Variants in C16orf74 observed in about 807,000 individuals in gnomAD.
C16orf74 encodes the protein uncharacterized protein C16orf74.
C16orf74 carries 10 observed loss-of-function variants against 6.5 expected under a neutral mutation model. That is an observed-to-expected ratio of 1.54 (90% confidence interval 0.95 to 2.61). The LOEUF is 2.61. Among genes scored for constraint, C16orf74 ranks in the 30% most tolerant of loss-of-function variants. The pLI is 0.00. For synonymous variants in C16orf74, 60 were observed against 42.5 expected (o/e 1.41, Z -1.60); for missense variants, 141 against 105.9 (o/e 1.33, Z -1.45).
At chr16:85,750,260 A>G (rs571725461) in intron 1 of C16orf74, among the ~76,000 whole-genome samples, 48 of 152,318 alleles carry the variant, frequency 3.2e-4, no homozygotes, top group African/African-American at 1.1e-3. Context: ...TGGGCCCCGC[A>G]GCCGGAGGCG....
chr16:85,739,780 C>G (rs1411524285), intron 1 of C16orf74, among the ~76,000 whole-genome samples: 3 of 152,048 alleles, frequency 2.0e-5, no homozygotes, highest in Admixed American at 2.0e-4. Context: ...ACCTGGGAGA[C>G]AGAGCAAGAC....
chr16:85,729,271 G>C (rs370128182), intron 2 of C16orf74, among the ~76,000 whole-genome samples: 211 of 152,356 alleles, frequency 1.4e-3, no homozygotes, highest in African/African-American at 4.7e-3. Flanking sequence ...GTTGATGCCA[G>C]CACGTGCCAA....
intron 2 of C16orf74, among the ~76,000 whole-genome samples, chr16:85,733,491 C>T (rs748083048): frequency 6.6e-6 from 1 of 152,196 alleles, no homozygotes; most frequent in African/African-American, 2.4e-5. Context: ...TTGCACAACA[C>T]TGTGAACGTG....
chr16:85,728,992 G>A (rs1008627238), intron 2 of C16orf74, among the ~76,000 whole-genome samples: 1 of 152,202 alleles, frequency 6.6e-6, no homozygotes, highest in Non-Finnish European at 1.5e-5. Context: ...TGGTCTGACT[G>A]GTTCCTAAGT....
chr16:85,710,112 C>T, intron 3 of C16orf74, 52 bp downstream of exon 3: 1 of 1,366,844 alleles, frequency 7.3e-7, no homozygotes, highest in Admixed American at 4.0e-5. Flanking sequence ...AGAGCTGTCT[C>T]CACCGGGCCC....
chr16:85,730,100 G>A (rs1012296708), intron 2 of C16orf74, among the ~76,000 whole-genome samples: 2 of 152,148 alleles, frequency 1.3e-5, no homozygotes, highest in Non-Finnish European at 2.9e-5. Flanking sequence ...CAGAGCCCCT[G>A]GGGGAGCTGA....
chr16:85,738,844 C>G (rs577753058), intron 1 of C16orf74, among the ~76,000 whole-genome samples: 1 of 152,106 alleles, frequency 6.6e-6, no homozygotes, highest in African/African-American at 2.4e-5. Flanking sequence ...TTAGTGAATC[C>G]TCACTATAAC....
At chr16:85,718,669 G>A (rs1046004871) in intron 2 of C16orf74, among the ~76,000 whole-genome samples, 3 of 152,222 alleles carry the variant, frequency 2.0e-5, no homozygotes, top group African/African-American at 4.8e-5. Context: ...CAGCCAATGC[G>A]GTGCGATGAT....
intron 2 of C16orf74, among the ~76,000 whole-genome samples, chr16:85,717,777 T>C (rs1328909574): frequency 6.6e-6 from 1 of 152,196 alleles, no homozygotes; most frequent in Non-Finnish European, 1.5e-5. Context: ...GGAGGTAACG[T>C]GCTGGTAATA....
At chr16:85,739,585 G>C (rs2054280811) in intron 1 of C16orf74, among the ~76,000 whole-genome samples, 1 of 152,186 alleles carries the variant, frequency 6.6e-6, no homozygotes, top group South Asian at 2.1e-4. Context: ...TGGTGTGTTT[G>C]TTTGAAAAGT....
chr16:85,732,076 G>C (rs999755949), intron 2 of C16orf74, among the ~76,000 whole-genome samples: 3 of 152,210 alleles, frequency 2.0e-5, no homozygotes, highest in African/African-American at 7.2e-5. Context: ...GTCCTTAAAA[G>C]AGAAGGGAAG....
rs547156512 is a variant in C16orf74 at position 85,719,869 on chromosome 16, G to A, written c.29-9562C>T. On this transcript the variant is annotated intron_variant, in intron 2 of 3. Transcript: ENST00000284245. ...GCCACAGCACACACAAAGGCCCTGA[G>A]GCAGGAACAGAGGGGCCACAGGCCA... Among the ~76,000 whole-genome samples, 302 of 145,444 alleles carry A rather than the reference G, an allele frequency of 2.1e-3. 2 individuals are homozygous for A. The highest frequency in any genetic ancestry group is 8.0e-3 in the African/African-American group (286 of 35,790).
chr16:85,714,815 C>T (rs2054006236), intron 2 of C16orf74, among the ~76,000 whole-genome samples: 1 of 151,958 alleles, frequency 6.6e-6, no homozygotes. Context: ...CCCACACAGT[C>T]CCATCGAAGC....
intron 1 of C16orf74, among the ~76,000 whole-genome samples, chr16:85,740,815 G>C (rs1248295190): frequency 2.5e-5 from 3 of 122,124 alleles, no homozygotes; most frequent in East Asian, 2.4e-4. Context: ...CTGGGCAAGA[G>C]AGTGAGACCC....
intron 1 of C16orf74, among the ~76,000 whole-genome samples, chr16:85,746,877 A>C (rs1237627907): frequency 6.6e-6 from 1 of 152,186 alleles, no homozygotes; most frequent in Non-Finnish European, 1.5e-5. Flanking sequence ...TAGAATTCCT[A>C]CAACTCCAGC....
In C16orf74 at chr16:85,739,223, T is replaced by C. The variant is rs149950023; in HGVS notation, c.-18-3988A>G. 2.0e-4 allele frequency among the ~76,000 whole-genome samples: 31 copies of C among 152,302 alleles called. No individual in the cohort carries two copies. In the East Asian group the frequency reaches 4.8e-3, roughly 24 times the overall value. On this transcript the variant is annotated intron_variant, in intron 1 of 3. Transcript: ENST00000284245. ...CCCCAGGGCCTCTGCTGGCCAGGCT[T>C]CCCAAACCTCCCTGGACTGTGGCTG... is the stretch of plus-strand genomic sequence containing the variant.
chr16:85,720,728 A>T (rs1440072359), intron 2 of C16orf74, among the ~76,000 whole-genome samples: 1 of 149,366 alleles, frequency 6.7e-6, no homozygotes, highest in Non-Finnish European at 1.5e-5. Context: ...GTGAGCTGCA[A>T]TCACACCACG....
intron 2 of C16orf74, among the ~76,000 whole-genome samples, chr16:85,722,319 C>A (rs766358711): frequency 2.0e-5 from 3 of 152,132 alleles, no homozygotes; most frequent in African/African-American, 7.2e-5. Flanking sequence ...TATAAGCAGG[C>A]CGATTCCAGT....
chr16:85,736,050 TG>T (rs1449584201), intron 1 of C16orf74, among the ~76,000 whole-genome samples: 2 of 152,032 alleles, frequency 1.3e-5, no homozygotes, highest in African/African-American at 4.8e-5. Flanking sequence ...ATCCCTAGGC[TG>T]GGGCCCCACC....
Sources: allele counts gnomAD v4.1 joint callset (sites outside exome capture counted in the v4.1 genomes callset), GRCh38; gene constraint gnomAD v4.1.1; transcripts MANE v1.5; gene names NCBI Gene and HGNC (gene_info 2026-07-23, HGNC 2026-07-21).